Variants in ADCK1 observed in about 807,000 individuals in gnomAD.
The protein encoded by ADCK1 is aarF domain containing kinase 1, also known as aarF domain-containing protein kinase 1.
Under a neutral mutation model 52.3 loss-of-function variants are expected in ADCK1, and 41 were observed. The ratio of observed to expected loss-of-function variants is 0.78; its 90% CI spans 0.61 to 1.02. The LOEUF (loss-of-function observed/expected upper bound fraction) is 1.02. ADCK1 is among the 50% of genes least tolerant of loss of function. The pLI, the probability that ADCK1 is intolerant of heterozygous loss-of-function variation, is 0.00. For synonymous variants in ADCK1, 250 were observed against 274.6 expected (o/e 0.91, Z 0.89); for missense variants, 658 against 679.5 (o/e 0.97, Z 0.35).
At chr14:77,802,616 A>C (rs1440518384) in intron 1 of ADCK1, among the ~76,000 whole-genome samples, 1 of 151,240 alleles carries the variant, frequency 6.6e-6, no homozygotes, top group Admixed American at 6.6e-5. Flanking sequence ...AAGGACCTTG[A>C]GTGCTTAGGC....
At chr14:77,924,406 C>A in intron 7 of ADCK1, 51 bp from the exon 8 acceptor site, 3 of 1,600,378 alleles carry the variant, frequency 1.9e-6, no homozygotes, top group Non-Finnish European at 2.6e-6. Context: ...AGAGGTCCCT[C>A]GGATAGATGT....
At chr14:77,919,853 CAT>C (rs1449423427) in intron 7 of ADCK1, among the ~76,000 whole-genome samples, 1 of 152,112 alleles carries the variant, frequency 6.6e-6, no homozygotes, top group African/African-American at 2.4e-5. Context: ...AGCATTTTTT[CAT>C]ATGTTTGTTG....
chr14:77,877,075 T>G (rs1483810592), intron 4 of ADCK1, among the ~76,000 whole-genome samples: 1 of 151,944 alleles, frequency 6.6e-6, no homozygotes, highest in Non-Finnish European at 1.5e-5. Context: ...ATTAGCCGGG[T>G]GTGGTGATGC....
At chr14:77,893,265 C>T (rs945737647) in intron 5 of ADCK1, among the ~76,000 whole-genome samples, 1 of 152,070 alleles carries the variant, frequency 6.6e-6, no homozygotes, top group Non-Finnish European at 1.5e-5. Flanking sequence ...ATAGTCCATC[C>T]GTCTGCTGGC....
chr14:77,896,372 T>C (rs1265029878), intron 5 of ADCK1, among the ~76,000 whole-genome samples: 2 of 152,254 alleles, frequency 1.3e-5, no homozygotes, highest in Admixed American at 6.5e-5. Context: ...GGTAATTACC[T>C]GGAGGGTAAT....
At chr14:77,907,194 G>T (rs1026917927) in intron 6 of ADCK1, among the ~76,000 whole-genome samples, 3 of 152,196 alleles carry the variant, frequency 2.0e-5, no homozygotes, top group Non-Finnish European at 4.4e-5. Context: ...GATTATAGGT[G>T]TGAGCCACTC....
intron 3 of ADCK1, among the ~76,000 whole-genome samples, chr14:77,849,394 C>G (rs1373192456): frequency 6.6e-6 from 1 of 152,120 alleles, no homozygotes; most frequent in Non-Finnish European, 1.5e-5. Context: ...CTCTAATTTA[C>G]CTTTGATTCT....
intron 4 of ADCK1, among the ~76,000 whole-genome samples, chr14:77,865,574 G>A (rs1353973602): frequency 1.3e-5 from 2 of 152,190 alleles, no homozygotes; most frequent in African/African-American, 4.8e-5. Context: ...AGGTTGACAT[G>A]TAAAATTAAC....
At chr14:77,856,775 G>A (rs868713139) in intron 3 of ADCK1, among the ~76,000 whole-genome samples, 17 of 152,152 alleles carry the variant, frequency 1.1e-4, no homozygotes, top group East Asian at 1.9e-4. Context: ...AGGCCACGGC[G>A]AGTGGATTAC....
chr14:77,809,838 C>T (rs1594850522), intron 1 of ADCK1, among the ~76,000 whole-genome samples: 1 of 151,082 alleles, frequency 6.6e-6, no homozygotes, highest in South Asian at 2.1e-4. Context: ...AGTTCGAGAC[C>T]AGCCTGACCA....
chr14:77,912,503 G>A (rs2083818519), intron 7 of ADCK1, among the ~76,000 whole-genome samples: 1 of 150,482 alleles, frequency 6.6e-6, no homozygotes, highest in South Asian at 2.1e-4. Context: ...AATCCTGAAA[G>A]TTTCAGATAG....
intron 6 of ADCK1, among the ~76,000 whole-genome samples, chr14:77,901,669 C>G (rs1335145500): frequency 6.6e-6 from 1 of 152,074 alleles, no homozygotes; most frequent in South Asian, 2.1e-4. Flanking sequence ...GGATTATAGG[C>G]GTGAGCCACC....
chr14:77,821,738 G>A (rs963465296), intron 2 of ADCK1, among the ~76,000 whole-genome samples: 2 of 151,474 alleles, frequency 1.3e-5, no homozygotes, highest in African/African-American at 4.9e-5. Flanking sequence ...AAAATTAGCC[G>A]AGTGTGGTGG....
chr14:77,928,115 T>G (rs1387699963), intron 9 of ADCK1, among the ~76,000 whole-genome samples: 1 of 152,020 alleles, frequency 6.6e-6, no homozygotes, highest in Non-Finnish European at 1.5e-5. Context: ...GGAAGTAAGA[T>G]TGAGTTTCTG....
At chr14:77,837,149 A>C (rs1261277263) in intron 3 of ADCK1, among the ~76,000 whole-genome samples, 2 of 113,972 alleles carry the variant, frequency 1.8e-5, no homozygotes, top group African/African-American at 6.3e-5. Flanking sequence ...TCATCTTAAA[A>C]ATTCTTTTTT....
intron 7 of ADCK1, among the ~76,000 whole-genome samples, chr14:77,918,495 AGT>A (rs2083978481): frequency 6.6e-6 from 1 of 152,234 alleles, no homozygotes; most frequent in Non-Finnish European, 1.5e-5. Flanking sequence ...GGCATGGGGC[AGT>A]GTTAGGGACA....
chr14:77,824,483 G>C (rs200853472), intron 3 of ADCK1, among the ~76,000 whole-genome samples: 1 of 149,006 alleles, frequency 6.7e-6, no homozygotes, highest in African/African-American at 2.5e-5. Context: ...GCCCAGGCTG[G>C]AGTGCAGTGG....
intron 3 of ADCK1, among the ~76,000 whole-genome samples, chr14:77,837,291 C>T (rs2140079039): frequency 6.6e-6 from 1 of 151,946 alleles, no homozygotes; most frequent in South Asian, 2.1e-4. Flanking sequence ...CATGCATCAT[C>T]ATGCCTGGCT....
At chr14:77,860,578 T>G (rs545868155) in intron 4 of ADCK1, among the ~76,000 whole-genome samples, 1 of 152,300 alleles carries the variant, frequency 6.6e-6, no homozygotes. Flanking sequence ...CTGACTCCTC[T>G]GCCACTGAGG....
Sources: allele counts gnomAD v4.1 joint callset (sites outside exome capture counted in the v4.1 genomes callset), GRCh38; gene constraint gnomAD v4.1.1; transcripts MANE v1.5; gene names NCBI Gene and HGNC (gene_info 2026-07-23, HGNC 2026-07-21).